PALLD: variants seen among roughly 807,000 people sequenced by gnomAD.
PALLD encodes palladin, cytoskeletal associated protein.
Under a neutral mutation model 123.5 loss-of-function variants are expected in PALLD, and 61 were observed. The ratio of observed to expected loss-of-function variants is 0.49; its 90% CI spans 0.40 to 0.61. The LOEUF (loss-of-function observed/expected upper bound fraction) is 0.61. Ranked by LOEUF, PALLD falls within the 20% of genes least tolerant of loss-of-function variation. The pLI is 0.00. For missense variants in PALLD, 1,273 were observed against 1,377.0 expected (o/e 0.92, Z 1.20); for synonymous variants, 465 against 496.4 (o/e 0.94, Z 0.84).
chr4:168,712,522 A>T (rs1228334491), intron 10 of PALLD, among the ~76,000 whole-genome samples: 2 of 152,174 alleles, frequency 1.3e-5, no homozygotes, highest in Non-Finnish European at 2.9e-5. Context: ...GTTGATGTCC[A>T]TTATTTTCTT....
chr4:168,734,924 T>C (rs1221279808), intron 10 of PALLD, among the ~76,000 whole-genome samples: 1 of 149,576 alleles, frequency 6.7e-6, no homozygotes, highest in African/African-American at 2.5e-5. Context: ...ACCCCATCTC[T>C]TAGAGAGAGA....
At chr4:168,885,412 G>T (rs1310677718) in intron 10 of PALLD, 2 of 152,134 alleles carry the variant, frequency 1.3e-5, no homozygotes, top group Non-Finnish European at 2.9e-5. Flanking sequence ...AGATTAGCAT[G>T]GCCTCTGTGC....
intron 1 of PALLD, among the ~76,000 whole-genome samples, chr4:168,506,399 C>A (rs1184591902): frequency 1.3e-5 from 2 of 151,088 alleles, no homozygotes; most frequent in Non-Finnish European, 3.0e-5. Context: ...CTCTTACCGC[C>A]CCCCATGCCC....
At chr4:168,720,021 A>G (rs1463118189) in intron 10 of PALLD, among the ~76,000 whole-genome samples, 1 of 152,224 alleles carries the variant, frequency 6.6e-6, no homozygotes, top group Admixed American at 6.5e-5. Context: ...GCTGTTCTGA[A>G]TAGTAGAACA....
At chr4:168,643,052 T>G (rs1029792369) in intron 2 of PALLD, among the ~76,000 whole-genome samples, 3 of 152,222 alleles carry the variant, frequency 2.0e-5, no homozygotes, top group Admixed American at 1.3e-4. Context: ...ATAGGAAAGC[T>G]TACATTGTGC....
chr4:168,669,009 C>G (rs529825773), intron 3 of PALLD, among the ~76,000 whole-genome samples: 2 of 152,230 alleles, frequency 1.3e-5, no homozygotes, highest in South Asian at 4.2e-4. Flanking sequence ...GTGTTTTGAT[C>G]AATACCAATA....
At chr4:168,858,763 C>T (rs1481152459) in intron 10 of PALLD, among the ~76,000 whole-genome samples, 1 of 150,088 alleles carries the variant, frequency 6.7e-6, no homozygotes, top group African/African-American at 2.4e-5. Context: ...ACCAGGGCAA[C>T]AGAATGAGAC....
At chr4:168,793,379 T>C (rs547551340) in intron 10 of PALLD, among the ~76,000 whole-genome samples, 1 of 149,518 alleles carries the variant, frequency 6.7e-6, no homozygotes, top group African/African-American at 2.5e-5. Flanking sequence ...ATATATCACA[T>C]ATATATACAC....
At chr4:168,688,331 G>A (rs1040730888) in intron 6 of PALLD, among the ~76,000 whole-genome samples, 2 of 152,330 alleles carry the variant, frequency 1.3e-5, no homozygotes, top group South Asian at 2.1e-4. Flanking sequence ...TCTCACAGCT[G>A]GTCAGAGGCA....
At chr4:168,922,083 A>ATT (rs1272913154) in intron 18 of PALLD, among the ~76,000 whole-genome samples, 2 of 120,954 alleles carry the variant, frequency 1.7e-5, no homozygotes, top group Non-Finnish European at 3.2e-5. Flanking sequence ...AAAGTTTTAT[A>ATT]TTTATATATA....
At chr4:168,612,979 T>C (rs1773881919) in intron 2 of PALLD, among the ~76,000 whole-genome samples, 1 of 152,208 alleles carries the variant, frequency 6.6e-6, no homozygotes, top group African/African-American at 2.4e-5. Context: ...CAAGAATCCA[T>C]CTTGCCAGCA....
intron 10 of PALLD, among the ~76,000 whole-genome samples, chr4:168,761,553 C>T (rs181265008): frequency 4.6e-5 from 7 of 151,688 alleles, no homozygotes; most frequent in South Asian, 2.1e-4. Flanking sequence ...CTCCGCCTCC[C>T]GGGCTCAAGC....
rs140531731 is a variant in PALLD, at chr4:168,535,646, G to A, written c.908+23234G>A. 4.1e-3 allele frequency among the ~76,000 whole-genome samples: 621 copies of A among 152,326 alleles called. 6 individuals are homozygous for A. The highest frequency in any genetic ancestry group is 0.014 in the African/African-American group (594 of 41,574). The stretch of plus-strand genomic sequence containing the variant: ...GTATCACAATGGATGGAAAGTGATT[G>A]TGGCATTTAGTAGGATGGGGTGTTT... On this transcript the variant is annotated intron_variant, in intron 2 of 21. Coordinates refer to ENST00000505667, the MANE Select transcript of PALLD (RefSeq NM_001166108.2).
rs892401876 is a variant in PALLD at position 168,522,714 on chromosome 4, C to T, written c.908+10302C>T. Among the ~76,000 whole-genome samples the T allele has an allele frequency of 2.0e-5, 3 of 152,076 alleles. No homozygotes were observed. The East Asian group carries it at 5.8e-4, about 29-fold the overall frequency. Reference sequence around the variant, plus strand: ...ACTTTATATAGCTTACTGTGCTGACCAAGATGCAAAATAGTTCTACCAGTT... The same window carrying T: ...ACTTTATATAGCTTACTGTGCTGACTAAGATGCAAAATAGTTCTACCAGTT... On this transcript the variant is annotated intron_variant, in intron 2 of 21. Transcript: ENST00000505667.
At chr4:168,759,179 C>CAAAAA (rs1175955888) in intron 10 of PALLD, among the ~76,000 whole-genome samples, 6 of 9,050 alleles carry the variant, frequency 6.6e-4, no homozygotes, top group African/African-American at 1.7e-3. Flanking sequence ...GACTCCATCT[C>CAAAAA]AAAAAAAAAA....
At chr4:168,921,045 G>A (rs1761378902) in intron 17 of PALLD, among the ~76,000 whole-genome samples, 1 of 152,060 alleles carries the variant, frequency 6.6e-6, no homozygotes, top group African/African-American at 2.4e-5. Context: ...GTAAGCTGGT[G>A]AGTGCTCAGG....
intron 10 of PALLD, among the ~76,000 whole-genome samples, chr4:168,796,682 G>A (rs560429364): frequency 1.3e-5 from 2 of 152,262 alleles, no homozygotes; most frequent in South Asian, 2.1e-4. Flanking sequence ...GTTACAGAAC[G>A]TCAATGCCAT....
chr4:168,866,705 T>C (rs997050435), intron 10 of PALLD, among the ~76,000 whole-genome samples: 4 of 152,210 alleles, frequency 2.6e-5, no homozygotes, highest in African/African-American at 9.7e-5. Flanking sequence ...AATTTCTTAG[T>C]TTCAAAGTCA....
chr4:168,714,071 G>GATATTATT (rs1238497212), intron 10 of PALLD, among the ~76,000 whole-genome samples: 1 of 148,134 alleles, frequency 6.8e-6, no homozygotes, highest in Non-Finnish European at 1.5e-5. Context: ...AATAATATGT[G>GATATTATT]ATGATACTTT....
Sources: allele counts gnomAD v4.1 joint callset (sites outside exome capture counted in the v4.1 genomes callset), GRCh38; gene constraint gnomAD v4.1.1; transcripts MANE v1.5; gene names NCBI Gene and HGNC (gene_info 2026-07-23, HGNC 2026-07-21).